The following ALK variants were observed in gnomAD, a reference collection of about 807,000 sequenced individuals.
ALK encodes the protein ALK receptor tyrosine kinase.
ALK carries 74 observed loss-of-function variants against 163.1 expected under a neutral mutation model. That is an observed-to-expected ratio of 0.45 (90% CI 0.38 to 0.55). The LOEUF (loss-of-function observed/expected upper bound fraction) is 0.55. Ranked by LOEUF, ALK falls within the 20% of genes least tolerant of loss-of-function variation. The pLI, the probability that ALK is intolerant of heterozygous loss-of-function variation, is 0.00. For missense variants in ALK, 2,063 were observed against 2,105.3 expected, an observed-to-expected ratio of 0.98 and a Z score of 0.39; for synonymous variants, 960 against 843.2, an observed-to-expected ratio of 1.14 and a Z score of -2.40.
intron 1 of ALK, among the ~76,000 whole-genome samples, chr2:29,735,792 G>T (rs753189435): frequency 6.6e-6 from 1 of 151,932 alleles, no homozygotes; most frequent in Admixed American, 6.6e-5. Flanking sequence ...TGTGAATAAG[G>T]ACATATTTGC....
rs368139328 is a variant in ALK, at chr2:29,243,916, C to T, written c.2205-4086G>A. ...ATGCTGTAATTTTTTGTTTTTTCCT[C>T]ATCTAAATCCATGTCCCCTGGTCAG... On this transcript the variant is annotated intron_variant, in intron 12 of 28. Coordinates refer to ENST00000389048, the MANE Select transcript of ALK (RefSeq NM_004304.5). 1.1e-3 allele frequency among the ~76,000 whole-genome samples: 164 copies of T among 152,304 alleles called. 1 individual carries two copies. In the South Asian group the frequency reaches 0.033, roughly 30 times the overall value.
chr2:29,426,563 A>T (rs1670139646), intron 4 of ALK, among the ~76,000 whole-genome samples: 1 of 152,164 alleles, frequency 6.6e-6, no homozygotes, highest in South Asian at 2.1e-4. Flanking sequence ...ATCAGCAAAA[A>T]CTGAGATTTG....
At chr2:29,856,987 C>T (rs764285209) in intron 1 of ALK, among the ~76,000 whole-genome samples, 6 of 152,034 alleles carry the variant, frequency 3.9e-5, no homozygotes, top group South Asian at 2.1e-4. Context: ...GTGTGTGTGT[C>T]GTGTACAGGA....
At chr2:29,465,054 T>C (rs1671175906) in intron 4 of ALK, among the ~76,000 whole-genome samples, 1 of 152,236 alleles carries the variant, frequency 6.6e-6, no homozygotes, top group Admixed American at 6.5e-5. Context: ...TTGAAAACTT[T>C]AAGTTCACAG....
chr2:29,417,050 G>A (rs1464087710), intron 4 of ALK, among the ~76,000 whole-genome samples: 3 of 143,256 alleles, frequency 2.1e-5, no homozygotes, highest in Non-Finnish European at 3.0e-5. Flanking sequence ...TGCAGTGGCG[G>A]GATCTCAGCT....
intron 11 of ALK, among the ~76,000 whole-genome samples, chr2:29,268,843 G>A (rs181905393): frequency 1.3e-3 from 198 of 152,282 alleles, no homozygotes; most frequent in African/African-American, 4.6e-3. Flanking sequence ...TAATCTTTCT[G>A]ATCCTCTGTT....
chr2:29,417,371 T>A (rs1174481442), intron 4 of ALK, among the ~76,000 whole-genome samples: 1 of 152,190 alleles, frequency 6.6e-6, no homozygotes, highest in Non-Finnish European at 1.5e-5. Flanking sequence ...CTTCCTTTCC[T>A]CAACATGAAT....
chr2:29,660,839 G>C (rs1391726938), intron 3 of ALK, among the ~76,000 whole-genome samples: 1 of 152,138 alleles, frequency 6.6e-6, no homozygotes, highest in East Asian at 1.9e-4. Flanking sequence ...GTCTCTTCCT[G>C]AATGTGATTA....
intron 4 of ALK, among the ~76,000 whole-genome samples, chr2:29,484,433 T>C (rs146815352): frequency 4.1e-4 from 63 of 152,302 alleles, no homozygotes; most frequent in Admixed American, 7.2e-4. Context: ...ACTTATGGTA[T>C]TAAATCAGAT....
chr2:29,444,421 C>A (rs1038932605), intron 4 of ALK, among the ~76,000 whole-genome samples: 4 of 152,142 alleles, frequency 2.6e-5, no homozygotes, highest in Non-Finnish European at 5.9e-5. Flanking sequence ...CAGCCCAAGG[C>A]TGCCTGATTT....
intron 1 of ALK, among the ~76,000 whole-genome samples, chr2:29,864,379 C>G (rs921742739): frequency 6.6e-6 from 1 of 152,216 alleles, no homozygotes; most frequent in African/African-American, 2.4e-5. Context: ...CAGAGCAGTA[C>G]TCCTGGCCTT....
At chr2:29,846,980 C>T (rs774107281) in intron 1 of ALK, among the ~76,000 whole-genome samples, 10 of 152,112 alleles carry the variant, frequency 6.6e-5, no homozygotes, top group East Asian at 5.8e-4. Context: ...TGTAAACACA[C>T]GTAAAAAGGA....
At chr2:29,512,813 A>C (rs1280667346) in intron 4 of ALK, among the ~76,000 whole-genome samples, 2 of 150,660 alleles carry the variant, frequency 1.3e-5, no homozygotes, top group Non-Finnish European at 3.0e-5. Context: ...CAGGATACAA[A>C]ATCAATGTAC....
rs751419856 is a variant in ALK, at chr2:29,239,751, T to C, written c.2284A>G (p.Ile762Val). 2.5e-6 allele frequency: 4 copies of C among 1,614,076 alleles called. No homozygotes were observed. The East Asian group carries it at 8.9e-5, about 36-fold the overall frequency. The change falls in exon 13 of 29, where the codon ATC (isoleucine) becomes GTC (valine). Residue 762 changes from isoleucine to valine, a missense_variant. Physicochemically the swap from Ile to Val is conservative, Grantham distance 29. This residue lies in a region of ALK where 575 missense variants were observed against 626.6 expected (regional missense o/e 0.92). Transcript: ENST00000389048. ...ATGTCATCCTTCTCCAGGTTGAAGA[T>C]GCCCAGCACAGACACGCCGTGGGAC... The part of the protein sequence containing the change: ...MRSHGVSVLG[I>V]FNLEKDDMLY...
At chr2:29,359,462 G>T (rs899490453) in intron 5 of ALK, among the ~76,000 whole-genome samples, 25 of 152,230 alleles carry the variant, frequency 1.6e-4, no homozygotes, top group Admixed American at 1.3e-3. Flanking sequence ...CATTAGCTCA[G>T]AAATCCTGTT....
intron 1 of ALK, among the ~76,000 whole-genome samples, chr2:29,770,542 G>A (rs941858968): frequency 3.9e-5 from 6 of 152,132 alleles, no homozygotes; most frequent in African/African-American, 1.4e-4. Flanking sequence ...CGGGATAAAA[G>A]CAACCAAATA....
chr2:29,579,834 G>A (rs139638688), intron 3 of ALK, among the ~76,000 whole-genome samples: 1 of 152,254 alleles, frequency 6.6e-6, no homozygotes, highest in Non-Finnish European at 1.5e-5. Context: ...CGTAATTCTA[G>A]GAGTCAACAG....
intron 26 of ALK, among the ~76,000 whole-genome samples, chr2:29,202,301 C>A (rs1044559416): frequency 2.8e-4 from 43 of 152,216 alleles, no homozygotes; most frequent in Non-Finnish European, 5.3e-4. Flanking sequence ...GCCAAAAAAA[C>A]CCCAGCTCCT....
In ALK at chr2:29,534,698, T is replaced by A. The variant is rs187935239; in HGVS notation, c.953-2582A>T. 3.6e-3 allele frequency among the ~76,000 whole-genome samples: 552 copies of A among 152,344 alleles called. 3 individuals are homozygous for A. The highest frequency in any genetic ancestry group is 0.013 in the African/African-American group (531 of 41,570). On this transcript the variant is annotated intron_variant, in intron 3 of 28. Coordinates refer to ENST00000389048, the MANE Select transcript of ALK (RefSeq NM_004304.5). ...ACTGCTATGCACATGTGCACATGCA[T>A]GAGAAGCTCAAAAATCCAGCTGAAG...
Sources: gnomAD v4.1 joint callset for allele counts (sites outside exome capture counted in the v4.1 genomes callset) on GRCh38, gnomAD v4.1.1 for gene constraint, gnomAD v4.1.1 regional missense constraint, MANE v1.5 for transcripts, NCBI Gene and HGNC (gene_info 2026-07-23, HGNC 2026-07-21) for gene names.